Variants in NCKAP5 observed in about 807,000 individuals in gnomAD.
The protein encoded by NCKAP5 is nck-associated protein 5.
In NCKAP5, 92 loss-of-function variants were observed where a neutral mutation model predicts 167.0. The ratio of observed to expected loss-of-function variants is 0.55; its 90% CI spans 0.47 to 0.66. The LOEUF (loss-of-function observed/expected upper bound fraction) is 0.66. NCKAP5 is among the 30% of genes least tolerant of loss of function. The pLI, the probability that NCKAP5 is intolerant of heterozygous loss-of-function variation, is 0.00. For synonymous variants in NCKAP5, 891 were observed against 877.4 expected (o/e 1.02, Z -0.27); for missense variants, 2,378 against 2,315.0 (o/e 1.03, Z -0.56).
At chr2:133,578,092 C>T in the NCKAP5 span, among the ~76,000 whole-genome samples, 9 of 152,310 alleles carry the variant, frequency 5.9e-5, no homozygotes, top group African/African-American at 2.2e-4. Flanking sequence ...CTAAAGGAAA[C>T]AATGTGCTCC....
chr2:133,340,782 A>T (rs952687320), intron 3 of NCKAP5, among the ~76,000 whole-genome samples: 2 of 152,218 alleles, frequency 1.3e-5, no homozygotes, highest in African/African-American at 4.8e-5. Context: ...GAATGAAGAG[A>T]TGAATATAAA....
At chr2:133,175,636 A>G (rs1299647583) in intron 5 of NCKAP5, among the ~76,000 whole-genome samples, 2 of 152,174 alleles carry the variant, frequency 1.3e-5, no homozygotes, top group Non-Finnish European at 2.9e-5. Context: ...CTCCAATAGT[A>G]TATATTTCAC....
In NCKAP5 at chr2:132,773,825, G is replaced by A. The variant is rs1682304622; in HGVS notation, c.5119C>T (p.His1707Tyr). Residue 1707 changes from histidine to tyrosine, a missense_variant, in exon 16 of 20, where the codon CAC (histidine) becomes TAC (tyrosine). Around this residue, in one of 3 missense-constraint regions of NCKAP5, gnomAD observed 1,325 missense variants for 1,274.5 expected, o/e 1.04. Coordinates refer to ENST00000409261, the MANE Select transcript of NCKAP5 (RefSeq NM_207363.3). ...DAVADSVFQS[H>Y]IIESNCQMRT... ...ATATGTGAATTTTTACCTATGATGT[G>A]GCTCTGAAATACAGAATCTGCAACT... The A allele has an allele frequency of 6.2e-7, 1 of 1,609,286 alleles. No homozygotes were observed. The highest frequency in any genetic ancestry group is 8.5e-7 in the Non-Finnish European group (1 of 1,178,248).
intron 6 of NCKAP5, among the ~76,000 whole-genome samples, chr2:133,012,263 G>T (rs4568001): frequency 0.27 from 41,075 of 151,948 alleles, 5,836 homozygotes; most frequent in South Asian, 0.35. Context: ...TATTTTATTT[G>T]TTGAGACAGA....
intron 8 of NCKAP5, among the ~76,000 whole-genome samples, chr2:132,956,805 C>T (rs566765841): frequency 6.8e-4 from 104 of 152,254 alleles, no homozygotes; most frequent in Middle Eastern, 6.8e-3. Flanking sequence ...CTTGCTGGTG[C>T]TCTTAGCAGC....
At position 133,095,398 on chromosome 2, in the gene NCKAP5, C is replaced by T. The variant is rs569300021; in HGVS notation, c.341+34580G>A. On this transcript the variant is annotated intron_variant, in intron 6 of 19. Coordinates refer to ENST00000409261, the MANE Select transcript of NCKAP5 (RefSeq NM_207363.3). ...CTGCTCTTAGAATTTGGGTCAGGCT[C>T]GTGACTGGTTTTCATCAACAAAATC... 2.6e-5 allele frequency among the ~76,000 whole-genome samples: 4 copies of T among 152,290 alleles called. No individual in the cohort carries two copies. The South Asian group carries it at 6.2e-4, about 24-fold the overall frequency.
chr2:133,075,440 C>A (rs1315394779), intron 6 of NCKAP5, among the ~76,000 whole-genome samples: 1 of 152,060 alleles, frequency 6.6e-6, no homozygotes. Context: ...GAGGTAAAAT[C>A]GAGATAAATG....
At chr2:133,104,656 T>C (rs2081623824) in intron 6 of NCKAP5, among the ~76,000 whole-genome samples, 2 of 152,254 alleles carry the variant, frequency 1.3e-5, no homozygotes, top group South Asian at 4.1e-4. Flanking sequence ...CCCTTTGCCA[T>C]GGCCTTTTAT....
chr2:132,728,303 ATCTCAGGGCAGATG>A (rs1314200630), intron 18 of NCKAP5, among the ~76,000 whole-genome samples: 1 of 152,146 alleles, frequency 6.6e-6, no homozygotes, highest in African/African-American at 2.4e-5. Flanking sequence ...CGTGTGTGTC[ATCTCAGGGCAGATG>A]AAGAACCCAC....
At chr2:133,281,031 A>G (rs2089916973) in intron 4 of NCKAP5, among the ~76,000 whole-genome samples, 1 of 152,254 alleles carries the variant, frequency 6.6e-6, no homozygotes, top group Non-Finnish European at 1.5e-5. Flanking sequence ...GAGCAATTAA[A>G]TCCATGTTAT....
chr2:133,249,973 A>T lies in NCKAP5; in HGVS notation c.144-36194T>A, dbSNP rs557979053. On this transcript the variant is annotated intron_variant, in intron 4 of 19. Transcript: ENST00000409261. The stretch of plus-strand genomic sequence containing the variant: ...TGAAGAAAGAAGACAGAAAAGGCAG[A>T]ACATGTAAAGCCACCACCAAGGGTT... Among the ~76,000 whole-genome samples the T allele has an allele frequency of 2.9e-4, 42 of 144,768 alleles. No homozygotes were observed. The South Asian group carries it at 8.0e-3, about 28-fold the overall frequency. The allele number at this position is 144,768 out of a possible 152,430, so 95.0% of individuals were successfully genotyped here.
At chr2:132,804,349 T>C (rs1336673819) in intron 11 of NCKAP5, among the ~76,000 whole-genome samples, 1 of 152,226 alleles carries the variant, frequency 6.6e-6, no homozygotes, top group Non-Finnish European at 1.5e-5. Flanking sequence ...GCCCTGAAAT[T>C]TCCATTTTCA....
chr2:133,083,525 A>G (rs1362941962), intron 6 of NCKAP5, among the ~76,000 whole-genome samples: 3 of 152,198 alleles, frequency 2.0e-5, no homozygotes, highest in African/African-American at 7.2e-5. Context: ...CTTATGCCCT[A>G]CAAGAACTAG....
intron 3 of NCKAP5, among the ~76,000 whole-genome samples, chr2:133,495,530 A>C (rs1279767832): frequency 6.6e-6 from 1 of 152,206 alleles, no homozygotes; most frequent in African/African-American, 2.4e-5. Context: ...GACTCATCCA[A>C]GATTTGTGAA....
the NCKAP5 span, among the ~76,000 whole-genome samples, chr2:133,663,865 C>A: frequency 6.6e-6 from 1 of 152,142 alleles, no homozygotes; most frequent in South Asian, 2.1e-4. Flanking sequence ...TCCCACGAAT[C>A]ACAAAAGTTC....
At chr2:133,067,615 T>G (rs2080242838) in intron 6 of NCKAP5, among the ~76,000 whole-genome samples, 1 of 152,210 alleles carries the variant, frequency 6.6e-6, no homozygotes, top group South Asian at 2.1e-4. Context: ...GGAAATGATC[T>G]ACTCATTCAA....
At chr2:133,303,477 CT>C (rs1448008832) in intron 3 of NCKAP5, among the ~76,000 whole-genome samples, 2 of 152,150 alleles carry the variant, frequency 1.3e-5, no homozygotes, top group African/African-American at 4.8e-5. Context: ...CTTGATTTTA[CT>C]GGTCTTATGA....
At chr2:133,441,346 A>G (rs1690847928) in intron 3 of NCKAP5, among the ~76,000 whole-genome samples, 2 of 152,216 alleles carry the variant, frequency 1.3e-5, no homozygotes, top group South Asian at 4.1e-4. Flanking sequence ...TGACTTGTCT[A>G]AAATAGATTC....
chr2:132,745,841 T>A (rs1394340341), intron 16 of NCKAP5, among the ~76,000 whole-genome samples: 1 of 151,898 alleles, frequency 6.6e-6, no homozygotes, highest in Non-Finnish European at 1.5e-5. Context: ...TCTAACAGCA[T>A]CAAAATATGA....
Sources: gnomAD v4.1 joint callset for allele counts (sites outside exome capture counted in the v4.1 genomes callset) on GRCh38, gnomAD v4.1.1 for gene constraint, gnomAD v4.1.1 regional missense constraint, MANE v1.5 for transcripts, NCBI Gene and HGNC (gene_info 2026-07-23, HGNC 2026-07-21) for gene names.